PKIG: variants seen among roughly 807,000 people sequenced by gnomAD.
PKIG encodes protein kinase (cAMP-dependent, catalytic) inhibitor gamma.
In PKIG, 1 loss-of-function variant was observed where a neutral mutation model predicts 6.8. The observed-to-expected ratio is 0.15, with a 90% CI of 0.05 to 0.69. The LOEUF is 0.69. Ranked by LOEUF, PKIG falls within the 30% of genes least tolerant of loss-of-function variation. PKIG has a pLI of 0.82. For synonymous variants in PKIG, 39 were observed against 43.0 expected, an observed-to-expected ratio of 0.91 and a Z score of 0.36; for missense variants, 77 against 104.0, an observed-to-expected ratio of 0.74 and a Z score of 1.13.
chr20:44,605,138 G>T (rs2065152690), intron 2 of PKIG, among the ~76,000 whole-genome samples: 1 of 152,290 alleles, frequency 6.6e-6, no homozygotes, highest in African/African-American at 2.4e-5. Context: ...AGGTGCGGTG[G>T]CTCACGCCTG....
At chr20:44,608,013 A>T (rs2065182598) in intron 2 of PKIG, among the ~76,000 whole-genome samples, 1 of 151,970 alleles carries the variant, frequency 6.6e-6, no homozygotes. Flanking sequence ...TGTTTTAAAT[A>T]AAGGAAAAAG....
chr20:44,578,826 T>C (rs192492886), upstream of PKIG, among the ~76,000 whole-genome samples: 83 of 152,340 alleles, frequency 5.4e-4, no homozygotes, highest in East Asian at 9.8e-3. Context: ...ATAATAATTA[T>C]ACCTACCTCA....
intron 1 of PKIG, among the ~76,000 whole-genome samples, chr20:44,539,355 G>A (rs2064540189): frequency 6.6e-6 from 1 of 151,954 alleles, no homozygotes; most frequent in Non-Finnish European, 1.5e-5. Context: ...TCCGCAGCCT[G>A]TGGGCCAAAT....
intron 2 of PKIG, among the ~76,000 whole-genome samples, chr20:44,595,969 T>C (rs1194777377): frequency 6.6e-6 from 1 of 152,198 alleles, no homozygotes; most frequent in Non-Finnish European, 1.5e-5. Context: ...TTAAATAAAT[T>C]AATTTTAAAC....
rs796482642 is a variant in PKIG at position 44,544,925 on chromosome 20, C to CTTTTTTTTTTTTTT, written c.-241+12962_-241+12975dup. Reference sequence around the variant, plus strand: ...TCTTTCTTTCTTTCCTTCCTTCTTTCTTTTTTTTTTTTTTTTTTTTTTTTT... The same window carrying CTTTTTTTTTTTTTT: ...TCTTTCTTTCTTTCCTTCCTTCTTTCTTTTTTTTTTTTTTTTTTTTTTTTTTTTTTTTTTTTTTT... On this transcript the variant is annotated intron_variant, in intron 1 of 4. Coordinates refer to the PKIG transcript ENST00000372887. Among the ~76,000 whole-genome samples the CTTTTTTTTTTTTTT allele has an allele frequency of 4.2e-4, 27 of 64,388 alleles. 2 individuals carry two copies. The highest frequency in any genetic ancestry group is 1.5e-3 in the African/African-American group (20 of 13,384). The allele number at this position is 64,388 out of a possible 152,430, so 42.2% of individuals were successfully genotyped here.
At chr20:44,574,923 T>G (rs1048500482) in intron 1 of PKIG, among the ~76,000 whole-genome samples, 1 of 152,198 alleles carries the variant, frequency 6.6e-6, no homozygotes, top group Non-Finnish European at 1.5e-5. Context: ...AACCACACTA[T>G]CACACATAAA....
At chr20:44,540,842 C>A (rs183386757) in intron 1 of PKIG, among the ~76,000 whole-genome samples, 28 of 152,140 alleles carry the variant, frequency 1.8e-4, no homozygotes, top group Admixed American at 1.7e-3. Flanking sequence ...TCGGCCTCCC[C>A]AAGTACTGGG....
chr20:44,567,292 T>C (rs1454079022), intron 1 of PKIG, among the ~76,000 whole-genome samples: 2 of 152,158 alleles, frequency 1.3e-5, no homozygotes, highest in African/African-American at 2.4e-5. Context: ...CTACCAGATA[T>C]CCTGCAAGGT....
intron 3 of PKIG, among the ~76,000 whole-genome samples, chr20:44,615,969 A>G (rs1347093769): frequency 6.6e-6 from 1 of 152,056 alleles, no homozygotes; most frequent in Non-Finnish European, 1.5e-5. Context: ...TCCCTGTCCC[A>G]TAATCTATTC....
chr20:44,548,677 T>C (rs186389167), intron 1 of PKIG, among the ~76,000 whole-genome samples: 1 of 152,140 alleles, frequency 6.6e-6, no homozygotes, highest in Non-Finnish European at 1.5e-5. Flanking sequence ...TTATAACAAT[T>C]TGCTCAACTC....
At chr20:44,610,202 G>GGGCA in intron 2 of PKIG, among the ~76,000 whole-genome samples, 1 of 152,172 alleles carries the variant, frequency 6.6e-6, no homozygotes, top group South Asian at 2.1e-4. Context: ...CGTGGACAGT[G>GGGCA]TCCTGGCCCT....
chr20:44,540,990 AG>A (rs2064556671), intron 1 of PKIG, among the ~76,000 whole-genome samples: 3 of 152,204 alleles, frequency 2.0e-5, no homozygotes, highest in Admixed American at 2.0e-4. Context: ...AGTTGGTTGG[AG>A]AGGGGAAGGA....
At chr20:44,549,455 A>G (rs2123186857) in intron 1 of PKIG, among the ~76,000 whole-genome samples, 1 of 152,202 alleles carries the variant, frequency 6.6e-6, no homozygotes, top group South Asian at 2.1e-4. Context: ...GTTTCTTTTC[A>G]AAAGCTCCCG....
intron 2 of PKIG, among the ~76,000 whole-genome samples, chr20:44,605,674 G>C (rs372930820): frequency 1.3e-5 from 2 of 152,108 alleles, no homozygotes; most frequent in Non-Finnish European, 2.9e-5. Context: ...AGCAGTTTGG[G>C]AGGCTCAGGC....
At chr20:44,602,840 C>CA (rs3091836) in intron 2 of PKIG, among the ~76,000 whole-genome samples, 10,365 of 76,584 alleles carry the variant, frequency 0.14, 454 homozygotes, top group South Asian at 0.25. Flanking sequence ...GACTCCATCT[C>CA]AAAAAAAAAA....
chr20:44,574,467 T>C (rs1290422381), intron 1 of PKIG, among the ~76,000 whole-genome samples: 2 of 152,258 alleles, frequency 1.3e-5, no homozygotes, highest in Admixed American at 1.3e-4. Context: ...TGACCAGTTT[T>C]GTTTCATCTG....
chr20:44,592,060 CA>C (rs1261244048), intron 2 of PKIG, among the ~76,000 whole-genome samples: 2 of 152,202 alleles, frequency 1.3e-5, no homozygotes, highest in African/African-American at 4.8e-5. Context: ...AGTGCTTGGG[CA>C]GAGCTGCTAG....
At chr20:44,573,456 A>G (rs1019176274) in intron 1 of PKIG, among the ~76,000 whole-genome samples, 3 of 152,250 alleles carry the variant, frequency 2.0e-5, no homozygotes, top group Non-Finnish European at 4.4e-5. Flanking sequence ...TGCGCAAGTT[A>G]CGTAACTTTT....
chr20:44,595,285 G>C (rs965843437), intron 2 of PKIG, among the ~76,000 whole-genome samples: 1 of 152,216 alleles, frequency 6.6e-6, no homozygotes, highest in African/African-American at 2.4e-5. Flanking sequence ...AAATGTGTCT[G>C]TGACCCTTAA....
Sources: allele counts gnomAD v4.1 joint callset (sites outside exome capture counted in the v4.1 genomes callset), GRCh38; gene constraint gnomAD v4.1.1; transcripts MANE v1.5; gene names NCBI Gene and HGNC (gene_info 2026-07-23, HGNC 2026-07-21).